MYLK4: variants seen among roughly 807,000 people sequenced by gnomAD.
MYLK4 encodes the protein caMLCK like.
Under a neutral mutation model 48.1 loss-of-function variants are expected in MYLK4, and 46 were observed. The ratio of observed to expected loss-of-function variants is 0.96; its 90% CI spans 0.75 to 1.22. MYLK4 has a LOEUF of 1.22. MYLK4 is among the 50% of genes most tolerant of loss of function. MYLK4 has a pLI of 0.00. For missense variants in MYLK4, 451 were observed against 486.1 expected (o/e 0.93, Z 0.68); for synonymous variants, 170 against 180.8 (o/e 0.94, Z 0.48).
chr6:2,714,531 C>T (rs1356871534), intron 2 of MYLK4, among the ~76,000 whole-genome samples: 2 of 152,218 alleles, frequency 1.3e-5, no homozygotes, highest in East Asian at 3.8e-4. Flanking sequence ...TGAATTCTTT[C>T]CTGGGCATAG....
upstream of MYLK4, among the ~76,000 whole-genome samples, chr6:2,753,063 A>G (rs1764335948): frequency 6.6e-6 from 1 of 152,236 alleles, no homozygotes; most frequent in Admixed American, 6.5e-5. Context: ...AAAATTCATT[A>G]GTGAGGAATA....
intron 2 of MYLK4, among the ~76,000 whole-genome samples, chr6:2,702,981 G>C (rs1442319156): frequency 1.3e-5 from 2 of 152,066 alleles, no homozygotes; most frequent in Non-Finnish European, 2.9e-5. Flanking sequence ...ATATTCAGCT[G>C]GTATGCTGGT....
chr6:2,765,895 CAGCGAG>C, the MYLK4 span: 14 of 1,455,302 alleles, frequency 9.6e-6, no homozygotes, highest in African/African-American at 1.5e-5. Flanking sequence ...CAGCCGAGAG[CAGCGAG>C]GGCGAGGGTG....
chr6:2,749,932 A>C (rs1417116599), intron 1 of MYLK4, among the ~76,000 whole-genome samples: 1 of 152,244 alleles, frequency 6.6e-6, no homozygotes, highest in African/African-American at 2.4e-5. Context: ...TCACGTGGAC[A>C]GCACTCCCAG....
At chr6:2,724,937 G>A (rs1433845918) in intron 2 of MYLK4, among the ~76,000 whole-genome samples, 1 of 152,194 alleles carries the variant, frequency 6.6e-6, no homozygotes, top group African/African-American at 2.4e-5. Context: ...GATCACCTGA[G>A]GTCAGGAGTT....
chr6:2,760,389 C>A, the MYLK4 span, among the ~76,000 whole-genome samples: 1 of 152,210 alleles, frequency 6.6e-6, no homozygotes, highest in Admixed American at 6.5e-5. Flanking sequence ...ATCATGTTCA[C>A]AACCAGGAAG....
chr6:2,725,235 A>C (rs1487810497), intron 2 of MYLK4, among the ~76,000 whole-genome samples: 1 of 152,160 alleles, frequency 6.6e-6, no homozygotes. Flanking sequence ...AAGTGAGAGG[A>C]TTGCTTGAGG....
intron 2 of MYLK4, among the ~76,000 whole-genome samples, chr6:2,737,402 C>T (rs1247687063): frequency 1.3e-5 from 2 of 152,214 alleles, no homozygotes; most frequent in African/African-American, 4.8e-5. Context: ...CACCTGTGAC[C>T]TTGGTAGTAC....
At chr6:2,681,359 C>G (rs972427584) in intron 7 of MYLK4, among the ~76,000 whole-genome samples, 1 of 152,266 alleles carries the variant, frequency 6.6e-6, no homozygotes, top group Middle Eastern at 3.4e-3. Flanking sequence ...TTTGGAAGCC[C>G]TTTTCTAAAC....
intron 7 of MYLK4, chr6:2,680,669 G>A: frequency 8.1e-6 from 6 of 738,730 alleles, no homozygotes; most frequent in Non-Finnish European, 9.9e-6. Context: ...CCTTCTTGGA[G>A]AAATATTTTT....
At chr6:2,720,613 T>C (rs1312472188) in intron 2 of MYLK4, among the ~76,000 whole-genome samples, 1 of 152,100 alleles carries the variant, frequency 6.6e-6, no homozygotes, top group Non-Finnish European at 1.5e-5. Flanking sequence ...AGAAAATGTA[T>C]TAAATCTATG....
chr6:2,711,717 C>T (rs1305257353), intron 2 of MYLK4, among the ~76,000 whole-genome samples: 1 of 152,116 alleles, frequency 6.6e-6, no homozygotes, highest in Non-Finnish European at 1.5e-5. Context: ...TTTGGAAAGG[C>T]ATCTGAGACA....
At chr6:2,734,657 A>G (rs1204789847) in intron 2 of MYLK4, among the ~76,000 whole-genome samples, 1 of 152,190 alleles carries the variant, frequency 6.6e-6, no homozygotes, top group Non-Finnish European at 1.5e-5. Context: ...ACACATACAC[A>G]TACATGTATA....
chr6:2,743,338 T>C lies in MYLK4; in HGVS notation c.159+5798A>G, dbSNP rs561849118. On this transcript the variant is annotated intron_variant, in intron 2 of 12. Transcript: ENST00000274643. Reference sequence around the variant, plus strand: ...AAAGAGCTGTCTTCCCCAAAATGAATACCCTCTCTTGAAAAGTGCTAAAAT... The same window carrying C: ...AAAGAGCTGTCTTCCCCAAAATGAACACCCTCTCTTGAAAAGTGCTAAAAT... 1.1e-4 allele frequency among the ~76,000 whole-genome samples: 17 copies of C among 152,358 alleles called. 1 individual carries two copies. The South Asian group carries it at 3.3e-3, about 30-fold the overall frequency.
At position 2,672,182 on chromosome 6, in the gene MYLK4, G is replaced by A. The variant is rs1027615037; in HGVS notation, c.1120-834C>T. On this transcript the variant is annotated intron_variant, in intron 11 of 12. Transcript: ENST00000274643. This position sits in a 1 kb window ranked among gnomAD's most constrained non-coding sequence, Gnocchi z 4.3. ...CTTAGCTCTGGGGGAAAGAAAACATGTCAAATTTGTGTCGTGTTCCTTCCT... is the reference window on the plus strand; with the variant it reads ...CTTAGCTCTGGGGGAAAGAAAACATATCAAATTTGTGTCGTGTTCCTTCCT... Among the ~76,000 whole-genome samples the A allele has an allele frequency of 3.3e-5, 5 of 152,202 alleles. No individual in the cohort carries two copies. The highest frequency in any genetic ancestry group is 6.5e-5 in the Admixed American group (1 of 15,276).
At chr6:2,715,490 T>A (rs958138820) in intron 2 of MYLK4, among the ~76,000 whole-genome samples, 1 of 152,120 alleles carries the variant, frequency 6.6e-6, no homozygotes, top group Admixed American at 6.6e-5. Flanking sequence ...GAGAAGAAAA[T>A]TGGCTGATCC....
At chr6:2,716,079 AG>A (rs1762854601) in intron 2 of MYLK4, among the ~76,000 whole-genome samples, 1 of 152,206 alleles carries the variant, frequency 6.6e-6, no homozygotes, top group Non-Finnish European at 1.5e-5. Flanking sequence ...CAGAAAATAC[AG>A]GAAGAATCCT....
chr6:2,677,738 C>A (rs1561831830), intron 10 of MYLK4, among the ~76,000 whole-genome samples: 1 of 152,130 alleles, frequency 6.6e-6, no homozygotes, highest in South Asian at 2.1e-4. Context: ...GATGGGCAAA[C>A]CACGTGGGAT....
chr6:2,724,092 G>T (rs1431522681), intron 2 of MYLK4, among the ~76,000 whole-genome samples: 1 of 152,032 alleles, frequency 6.6e-6, no homozygotes, highest in African/African-American at 2.4e-5. Flanking sequence ...TGGCCAGGCT[G>T]GTCTTGAACT....
Sources: allele counts gnomAD v4.1 joint callset (sites outside exome capture counted in the v4.1 genomes callset), GRCh38; gene constraint gnomAD v4.1.1; non-coding constraint Gnocchi (gnomAD v3.1); transcripts MANE v1.5; gene names NCBI Gene and HGNC (gene_info 2026-07-23, HGNC 2026-07-21).